Variants in HCCS observed in about 807,000 individuals in gnomAD.
The protein encoded by HCCS is holocytochrome c synthase, also known as holocytochrome c-type synthase.
HCCS carries 2 observed loss-of-function variants against 24.2 expected under a neutral mutation model. That is an observed-to-expected ratio of 0.08 (90% confidence interval 0.03 to 0.26). The LOEUF is 0.26. Among genes scored for constraint, HCCS ranks in the 10% least tolerant of loss-of-function variants. HCCS has a pLI of 1.00. For synonymous variants in HCCS, 73 were observed against 76.2 expected (o/e 0.96, Z 0.22); for missense variants, 150 against 213.3 (o/e 0.70, Z 1.85).
At chrX:11,111,727 AC>A (rs1290641348) in intron 1 of HCCS, among the ~76,000 whole-genome samples, 4 of 110,284 alleles carry the variant, frequency 3.6e-5, no homozygotes, top group Non-Finnish European at 1.9e-5. Context: ...TCCTCGCCCC[AC>A]TCCCGCCTCA....
intron 4 of HCCS, chrX:11,118,243 T>G (rs1402561820): frequency 1.5e-5 from 6 of 393,024 alleles, no homozygotes; most frequent in Non-Finnish European, 2.8e-5. Context: ...TTACTGTGAC[T>G]CAGTAAAATG....
At chrX:11,119,750 A>G (rs2045476879) in intron 5 of HCCS, among the ~76,000 whole-genome samples, 1 of 112,468 alleles carries the variant, frequency 8.9e-6, no homozygotes, top group African/African-American at 3.2e-5. Flanking sequence ...TGTTGCCCTC[A>G]GTAATCTCTG....
At chrX:11,115,057 T>A in intron 3 of HCCS, 71 bp downstream of exon 3, 1 of 887,306 alleles carries the variant, frequency 1.1e-6, no homozygotes, top group East Asian at 3.1e-5. Flanking sequence ...CCAAGACAAG[T>A]TGCAAATGGC....
chrX:11,111,968 G>A, intron 1 of HCCS, 51 bp from the exon 2 acceptor site: 1 of 672,877 alleles, frequency 1.5e-6, no homozygotes, highest in East Asian at 3.2e-5. Flanking sequence ...TAGGACTAAC[G>A]AGAGAATAGT....
At position 11,121,797 on chromosome X, in the gene HCCS, G is replaced by A. The variant is rs372501217; in HGVS notation, c.794G>A (p.Arg265His). Residue 265 changes from arginine to histidine, a missense_variant, in exon 7 of 7, where the codon CGT becomes CAT. Transcript: ENST00000380762. Reference sequence around the variant, plus strand: ...GACAGAATGAAAGTCGCTTGGTGGCGTTGGACCTCGTAAAGCACTGTTTCA... The same window carrying A: ...GACAGAATGAAAGTCGCTTGGTGGCATTGGACCTCGTAAAGCACTGTTTCA... ...VWDRMKVAWW[R>H]WTS 7 of 1,201,759 alleles carry A rather than the reference G, an allele frequency of 5.8e-6. No homozygotes were observed. Among genetic ancestry groups the A allele is most frequent in the South Asian group, 1.8e-5 (1 of 56,650 alleles).
intron 2 of HCCS, 87 bp from the exon 3 acceptor site, chrX:11,114,748 C>A: frequency 1.2e-6 from 1 of 852,890 alleles, no homozygotes; most frequent in South Asian, 2.0e-5. Flanking sequence ...AATCATTGGT[C>A]AGAAATTCAG....
chrX:11,113,123 T>C (rs1317739325), intron 2 of HCCS, among the ~76,000 whole-genome samples: 1 of 112,899 alleles, frequency 8.9e-6, no homozygotes, highest in African/African-American at 3.2e-5. Context: ...TTCATTCATG[T>C]CTACTTTAGA....
intron 2 of HCCS, among the ~76,000 whole-genome samples, chrX:11,113,715 A>G (rs2045429142): frequency 8.9e-6 from 1 of 112,243 alleles, no homozygotes; most frequent in Admixed American, 9.4e-5. Flanking sequence ...CGAAGGGGCT[A>G]CTGGTTATAT....
intron 1 of HCCS, 135 bp downstream of exon 1, chrX:11,111,653 A>C: frequency 5.4e-6 from 1 of 186,380 alleles, no homozygotes; most frequent in Non-Finnish European, 1.0e-5. Context: ...GGCTCTGGGG[A>C]TGGGGGTCAA....
chrX:11,115,414 G>A (rs908912941), intron 3 of HCCS, among the ~76,000 whole-genome samples: 26 of 111,973 alleles, frequency 2.3e-4, no homozygotes, highest in African/African-American at 6.8e-4. Context: ...GTTCACTGTC[G>A]TGTGACTGCC....
Position 11,121,068 on chromosome X carries a change from C to G in HCCS, c.608+75C>G, listed in dbSNP as rs1283580135. 5.0e-6 allele frequency: 4 copies of G among 804,413 alleles called. No individual in the cohort carries two copies. In the African/African-American group the frequency reaches 8.1e-5, roughly 16 times the overall value. The allele number at this position is 804,413 out of a possible 1,213,427, so 66.3% of individuals were successfully genotyped here. On this transcript the variant is annotated intron_variant, in intron 6 of 6. Transcript: ENST00000380762. ...ACTTTCTCTTCACACCAAAACCAGT[C>G]TAAGAATTGCAGTGCCATCTTGCAA...
At chrX:11,111,721 C>G (rs1286698563) in intron 1 of HCCS, among the ~76,000 whole-genome samples, 1 of 112,033 alleles carries the variant, frequency 8.9e-6, no homozygotes, top group African/African-American at 3.3e-5. Context: ...CGGAAATCCT[C>G]GCCCCACTCC....
rs757031982 is a variant in HCCS, at chrX:11,118,486, A to G, written c.402-15A>G. 1 of 1,192,821 alleles carries G rather than the reference A, an allele frequency of 8.4e-7. No homozygotes were observed. Among genetic ancestry groups the G allele is most frequent in the Non-Finnish European group, 1.1e-6 (1 of 878,281 alleles). On this transcript the variant is annotated splice_polypyrimidine_tract_variant and intron_variant, in intron 4 of 6. Coordinates refer to ENST00000380762, the MANE Select transcript of HCCS (RefSeq NM_005333.5). ...CAGGAACAGTTGTCAAATTTTACCA[A>G]ATATTCTTTCCTAGGTGGAAGTGGA...
chrX:11,113,387 C>T (rs764830814), intron 2 of HCCS, among the ~76,000 whole-genome samples: 3 of 112,424 alleles, frequency 2.7e-5, no homozygotes, highest in South Asian at 3.7e-4. Context: ...TGTGGTCTTA[C>T]GACTTCATAA....
chrX:11,117,245 C>A, intron 3 of HCCS, 22 bp from the exon 4 acceptor site: 7 of 1,198,898 alleles, frequency 5.8e-6, no homozygotes, highest in Non-Finnish European at 7.9e-6. Flanking sequence ...CCTATAAAAG[C>A]AAATCTGTTC....
rs3086668 is a variant in HCCS at position 11,111,355 on chromosome X, A to AGGCGGCGGC, written c.-189_-181dup. The AGGCGGCGGC allele has an allele frequency of 0.013, 2,190 of 162,590 alleles. 64 individuals are homozygous for AGGCGGCGGC. The highest frequency in any genetic ancestry group is 0.019 in the Non-Finnish European group (1,685 of 87,274). 13.4% of individuals were successfully genotyped at this position (162,590 alleles called of 1,213,427 possible). ...CCACAGCGGTGACCGAGTGAGAGGA[A>AGGCGGCGGC]GGCGGCGGCGGCGGCGGCGGCGGCG... On this transcript the variant is annotated 5_prime_UTR_variant, in exon 1 of 7. Transcript: ENST00000380762.
chrX:11,112,169 C>T lies in HCCS; in HGVS notation c.100+9C>T, dbSNP rs377341797. The T allele has an allele frequency of 1.1e-5, 13 of 1,149,804 alleles. No homozygotes were observed. In the African/African-American group the frequency reaches 1.8e-4, roughly 16 times the overall value. 94.8% of individuals were successfully genotyped at this position (1,149,804 alleles called of 1,213,427 possible). A position where few individuals can be genotyped will look rare whatever the true frequency, so the allele number is the denominator to read the frequency against. On this transcript the variant is annotated intron_variant, in intron 2 of 6. Transcript: ENST00000380762. ...TGAAGGGAAAATGAAAGGTAATCGG[C>T]CCTTTGCCTAGAAAATAAAAACAAA...
intron 5 of HCCS, chrX:11,119,877 T>G (rs1001326764): frequency 4.0e-6 from 1 of 251,829 alleles, no homozygotes; most frequent in Non-Finnish European, 7.4e-6. Flanking sequence ...AAAGGGAATT[T>G]CAGTTTGTCA....
At chrX:11,119,903 C>T (rs2045477966) in intron 5 of HCCS, 1 of 264,631 alleles carries the variant, frequency 3.8e-6, no homozygotes, top group Non-Finnish European at 7.1e-6. Context: ...AATTCCTTCT[C>T]CAGTTATTTT....
Sources: gnomAD v4.1 joint callset for allele counts (sites outside exome capture counted in the v4.1 genomes callset) on GRCh38, gnomAD v4.1.1 for gene constraint, MANE v1.5 for transcripts, NCBI Gene and HGNC (gene_info 2026-07-23, HGNC 2026-07-21) for gene names.